The following GRIN1 variants were observed in gnomAD, a reference collection of about 807,000 sequenced individuals.
GRIN1 encodes glutamate receptor ionotropic, NMDA 1.
In GRIN1, 38 loss-of-function variants were observed where a neutral mutation model predicts 103.0. The observed-to-expected ratio is 0.37, with a 90% confidence interval of 0.28 to 0.48. The LOEUF is 0.48. Among genes scored for constraint, GRIN1 ranks in the 20% least tolerant of loss-of-function variants. GRIN1 has a pLI of 0.98. For missense variants in GRIN1, 577 were observed against 1,288.9 expected, an observed-to-expected ratio of 0.45 and a Z score of 8.46; for synonymous variants, 544 against 532.7, an observed-to-expected ratio of 1.02 and a Z score of -0.29.
intron 10 of GRIN1, 55 bp downstream of exon 10, chr9:137,161,471 CGGAGTGGGTGGGGCAT>C: frequency 9.3e-7 from 1 of 1,071,926 alleles, no homozygotes; most frequent in Non-Finnish European, 1.2e-6. Flanking sequence ...CAGGCGCGGT[CGGAGTGGGTGGGGCAT>C]GGAGTAGGCG....
At chr9:137,144,402 C>G (rs560819102) in intron 2 of GRIN1, among the ~76,000 whole-genome samples, 1 of 150,716 alleles carries the variant, frequency 6.6e-6, no homozygotes, top group Non-Finnish European at 1.5e-5. Flanking sequence ...CGCCTGTAAT[C>G]CCAGCACTTT....
intron 15 of GRIN1, 54 bp from the exon 16 acceptor site, chr9:137,163,115 G>A: frequency 6.2e-7 from 1 of 1,602,044 alleles, no homozygotes; most frequent in Non-Finnish European, 8.5e-7. Flanking sequence ...GCGCGGGCGT[G>A]GGGCTTCCAG....
At chr9:137,157,189 T>C (rs1020809763) in intron 6 of GRIN1, 152 bp downstream of exon 6, 34 of 712,452 alleles carry the variant, frequency 4.8e-5, no homozygotes, top group Non-Finnish European at 7.1e-5. Context: ...GGGGCCGCTC[T>C]TAGGGAGCTG....
At chr9:137,147,143 C>T (rs895691592) in intron 3 of GRIN1, among the ~76,000 whole-genome samples, 4 of 151,674 alleles carry the variant, frequency 2.6e-5, no homozygotes, top group Non-Finnish European at 5.9e-5. Flanking sequence ...ACACTCACCC[C>T]TGCGCACCCA....
intron 2 of GRIN1, among the ~76,000 whole-genome samples, chr9:137,145,400 G>A (rs1196261562): frequency 2.9e-4 from 36 of 123,850 alleles, no homozygotes; most frequent in African/African-American, 1.1e-3. Flanking sequence ...GGGGTCCCAG[G>A]GTCTAGAAAG....
In GRIN1 at chr9:137,142,141, G is replaced by C. The variant is rs199799811; in HGVS notation, c.387G>C (p.Ser129=). The change falls in exon 2 of 20, where the codon TCG becomes TCC. Residue 129 remains serine, a synonymous_variant. Transcript: ENST00000371561. ...LGLTTRMSIY[S]DKSIHLSFLR... ...TGACCACCCGCATGTCCATCTACTC[G>C]GACAAGGTAAGCCTGACTGCCAGAC... 41 of 1,614,028 alleles carry C rather than the reference G, an allele frequency of 2.5e-5. No individual in the cohort carries two copies. The highest frequency in any genetic ancestry group is 1.6e-4 in the Middle Eastern group (1 of 6,062).
At chr9:137,144,465 T>C (rs370666001) in intron 2 of GRIN1, among the ~76,000 whole-genome samples, 6,976 of 151,622 alleles carry the variant, frequency 0.046, 216 homozygotes, top group Middle Eastern at 0.088. Flanking sequence ...CCATCCTGGC[T>C]AATACGGTGA....
intron 4 of GRIN1, among the ~76,000 whole-genome samples, chr9:137,152,971 A>T (rs1377067416): frequency 6.6e-6 from 1 of 151,634 alleles, no homozygotes; most frequent in Admixed American, 6.6e-5. Context: ...CATGTGCGCA[A>T]ATGCATGTAC....
intron 19 of GRIN1, chr9:137,165,562 A>C: frequency 2.0e-6 from 1 of 512,340 alleles, no homozygotes; most frequent in Non-Finnish European, 3.6e-6. Flanking sequence ...CCCACACGCC[A>C]TCTTGAAGCC....
At chr9:137,155,125 C>T (rs1226267980) in intron 4 of GRIN1, among the ~76,000 whole-genome samples, 2 of 152,236 alleles carry the variant, frequency 1.3e-5, no homozygotes, top group Admixed American at 6.5e-5. Flanking sequence ...ATAAAACGAT[C>T]GGATGAGTTT....
In GRIN1 at chr9:137,139,302, G is replaced by C. The variant is rs1038612169; in HGVS notation, c.-185G>C. ...CGCCGGCCGCGTGGGGCTGAGCCCC[G>C]AGCCCCCGCGCACGCTTCAGCGCCC... On this transcript the variant is annotated 5_prime_UTR_variant, in exon 1 of 20. Transcript: ENST00000371561. The surrounding 1 kb of genome is among the most constrained non-coding windows in gnomAD (Gnocchi z 7.7). The C allele has an allele frequency of 9.4e-5, 23 of 244,288 alleles. No homozygotes were observed. The highest frequency in any genetic ancestry group is 5.0e-4 in the African/African-American group (22 of 43,594). The allele number at this position is 244,288 out of a possible 1,614,324, so 15.1% of individuals were successfully genotyped here.
At chr9:137,164,250 G>T (rs1222092672) in intron 18 of GRIN1, 2 of 391,172 alleles carry the variant, frequency 5.1e-6, no homozygotes. Flanking sequence ...TGGCACGTGA[G>T]TCCAAGATGC....
In GRIN1 at chr9:137,139,491, G is replaced by T; in HGVS notation, c.5G>T (p.Ser2Ile). 3.1e-6 allele frequency: 5 copies of T among 1,590,064 alleles called. No individual in the cohort carries two copies. The highest frequency in any genetic ancestry group is 3.4e-6 in the Non-Finnish European group (4 of 1,168,512). Residue 2 changes from serine (S) to isoleucine (I), a missense_variant, in exon 1 of 20, where the codon AGC (serine) becomes ATC (isoleucine). Physicochemically the swap from Ser to Ile is moderately radical, Grantham distance 142. This residue lies in a region of GRIN1 where 308 missense variants were observed against 553.6 expected (regional missense o/e 0.56). Coordinates refer to ENST00000371561, the MANE Select transcript of GRIN1 (RefSeq NM_007327.4). The surrounding 1 kb of genome is among the most constrained non-coding windows in gnomAD (Gnocchi z 7.7). M[S>I]TMRLLTLALL... Reference sequence around the variant, plus strand: ...CCAGGCCCGCGGCCCGAGCCCATGAGCACCATGCGCCTGCTGACGCTCGCC... The same window carrying T: ...CCAGGCCCGCGGCCCGAGCCCATGATCACCATGCGCCTGCTGACGCTCGCC...
chr9:137,164,981 G>A (rs905904881), intron 18 of GRIN1: 9 of 576,718 alleles, frequency 1.6e-5, no homozygotes, highest in East Asian at 3.0e-5. Flanking sequence ...GCCCCAGCAC[G>A]AGCAAGGTCA....
Position 137,162,581 on chromosome 9 carries a change from C to G in GRIN1, c.1865-10C>G, listed in dbSNP as rs767670527. ...TCTAGGGTCTGACAGAGCCCCCCGC[C>G]CGCCCACAGGCGCCCCCAGAAGCTT... On this transcript the variant is annotated splice_polypyrimidine_tract_variant and intron_variant, in intron 13 of 19. Transcript: ENST00000371561. 1 of 1,611,684 alleles carries G rather than the reference C, an allele frequency of 6.2e-7. No homozygotes were observed. Among genetic ancestry groups the G allele is most frequent in the South Asian group, 1.1e-5 (1 of 90,984 alleles).
intron 2 of GRIN1, among the ~76,000 whole-genome samples, chr9:137,143,099 C>T (rs1832264670): frequency 6.6e-6 from 1 of 152,254 alleles, no homozygotes; most frequent in South Asian, 2.1e-4. Context: ...GGCCACTTGG[C>T]AGGGGACATC....
Position 137,149,122 on chromosome 9 carries a change from A to G in GRIN1, c.671+13A>G. On this transcript the variant is annotated intron_variant, in intron 4 of 19. Transcript: ENST00000371561. ...TCCTTTCTGCCAGGTGAGGCTGGGC[A>G]GGGCCCTACACACTCCACACAGGAT... The G allele has an allele frequency of 6.5e-7, 1 of 1,543,102 alleles. No individual in the cohort carries two copies. Among genetic ancestry groups the G allele is most frequent in the Non-Finnish European group, 8.9e-7 (1 of 1,123,506 alleles).
At chr9:137,149,245 CCCCCACCCCCA>C in intron 4 of GRIN1, 136 bp downstream of exon 4, 1 of 697,618 alleles carries the variant, frequency 1.4e-6, no homozygotes, top group Admixed American at 2.0e-5. Flanking sequence ...AGGACAGCCA[CCCCCACCCCCA>C]CCCGCACCCA....
chr9:137,152,937 T>A (rs199804098), intron 4 of GRIN1, among the ~76,000 whole-genome samples: 2 of 151,564 alleles, frequency 1.3e-5, no homozygotes, highest in East Asian at 3.9e-4. Flanking sequence ...ACACACCACA[T>A]GTACCATGCA....
Sources: gnomAD v4.1 joint callset for allele counts (sites outside exome capture counted in the v4.1 genomes callset) on GRCh38, gnomAD v4.1.1 for gene constraint, gnomAD v4.1.1 regional missense constraint, Gnocchi (gnomAD v3.1) non-coding constraint, MANE v1.5 for transcripts, NCBI Gene and HGNC (gene_info 2026-07-23, HGNC 2026-07-21) for gene names.